RIMBP2: variants seen among roughly 807,000 people sequenced by gnomAD.
RIMBP2 encodes the protein RIMS-binding protein 2.
RIMBP2 carries 48 observed loss-of-function variants against 118.6 expected under a neutral mutation model. That is an observed-to-expected ratio of 0.40 (90% CI 0.32 to 0.51). The LOEUF (loss-of-function observed/expected upper bound fraction) is 0.51, where lower values mean the gene tolerates loss of function less well. RIMBP2 is among the 20% of genes least tolerant of loss of function. The pLI is 0.41. For synonymous variants in RIMBP2, 762 were observed against 742.9 expected (o/e 1.03, Z -0.42); for missense variants, 1,551 against 1,768.3 (o/e 0.88, Z 2.20).
chr12:130,637,527 TG>T (rs1369557058), intron 1 of RIMBP2, among the ~76,000 whole-genome samples: 1 of 152,164 alleles, frequency 6.6e-6, no homozygotes, highest in Non-Finnish European at 1.5e-5. Flanking sequence ...AAACCAACCC[TG>T]GGAACATATA....
chr12:130,693,914 A>G (rs2065451409), intron 1 of RIMBP2, among the ~76,000 whole-genome samples: 1 of 152,176 alleles, frequency 6.6e-6, no homozygotes, highest in Non-Finnish European at 1.5e-5. Flanking sequence ...GAGAGTATTA[A>G]GACAGGATTG....
Position 130,649,321 on chromosome 12 carries a change from C to T in RIMBP2, c.-351-20865G>A, listed in dbSNP as rs1254768123. Among the ~76,000 whole-genome samples the T allele has an allele frequency of 1.8e-5, 2 of 109,472 alleles. 1 individual carries two copies. Among genetic ancestry groups the T allele is most frequent in the Non-Finnish European group, 4.7e-5 (2 of 42,390 alleles). 71.8% of individuals were successfully genotyped at this position (109,472 alleles called of 152,430 possible). A position where few individuals can be genotyped will look rare whatever the true frequency, so the allele number is the denominator to read the frequency against. On this transcript the variant is annotated intron_variant, in intron 1 of 22. Coordinates refer to ENST00000690449, the MANE Select transcript of RIMBP2 (RefSeq NM_001393629.1). Reference sequence around the variant, plus strand: ...TGAGTGCTCCCGGCCGGAGGCCGCTCCGCTCCATGCAGTGACTTAGAGACC... The same window carrying T: ...TGAGTGCTCCCGGCCGGAGGCCGCTTCGCTCCATGCAGTGACTTAGAGACC...
chr12:130,455,076 A>G (rs60428159), intron 7 of RIMBP2, among the ~76,000 whole-genome samples: 1,978 of 152,250 alleles, frequency 0.013, 34 homozygotes, highest in African/African-American at 0.044. Context: ...AAAGCTCTGG[A>G]CCCAAGTCTC....
At position 130,438,351 on chromosome 12, in the gene RIMBP2, C is replaced by CCCCCCAA. The variant is rs2137066151; in HGVS notation, c.1656+13_1656+14insTTGGGGG. 6.3e-6 allele frequency: 10 copies of CCCCCCAA among 1,589,888 alleles called. No individual in the cohort carries two copies. Among genetic ancestry groups the CCCCCCAA allele is most frequent in the African/African-American group, 1.3e-5 (1 of 74,656 alleles). ...GCCTAACAAACCCTCCCCACCCACCCAACGAAAACTCACCCTCTGCCCTTT... is the reference window on the plus strand; with the variant it reads ...GCCTAACAAACCCTCCCCACCCACCCCCCCCAAAACGAAAACTCACCCTCTGCCCTTT... On this transcript the variant is annotated intron_variant, in intron 12 of 22. Transcript: ENST00000690449.
At chr12:130,661,400 G>T (rs73159163) in intron 1 of RIMBP2, among the ~76,000 whole-genome samples, 1 of 152,152 alleles carries the variant, frequency 6.6e-6, no homozygotes, top group Non-Finnish European at 1.5e-5. Flanking sequence ...ATACAAAAAG[G>T]CTCCTTTCCA....
At chr12:130,646,394 A>ACCACTTCACTCT (rs2062958957) in intron 1 of RIMBP2, among the ~76,000 whole-genome samples, 1 of 43,654 alleles carries the variant, frequency 2.3e-5, no homozygotes, top group Non-Finnish European at 3.8e-5. Context: ...CACCTCCCTC[A>ACCACTTCACTCT]CCACCTGCCT....
chr12:130,406,393 G>A (rs2075177391), intron 20 of RIMBP2, 150 bp from the exon 21 acceptor site: 3 of 592,834 alleles, frequency 5.1e-6, no homozygotes, highest in Admixed American at 6.8e-5. Flanking sequence ...GCTAATGAAT[G>A]GCTCTGTCCA....
In RIMBP2 at chr12:130,670,869, G is replaced by T. The variant is rs565082522; in HGVS notation, c.-351-42413C>A. The stretch of plus-strand genomic sequence containing the variant: ...GCTCACTGCAACCTCTGCCTCCCAG[G>T]TTCAAGCAATTCTCCTACCTCAGCC... On this transcript the variant is annotated intron_variant, in intron 1 of 22. Transcript: ENST00000690449. This position sits in a 1 kb window ranked among gnomAD's most constrained non-coding sequence, Gnocchi z 4.9. 3.4e-3 allele frequency among the ~76,000 whole-genome samples: 513 copies of T among 152,226 alleles called. 4 individuals carry two copies. Among genetic ancestry groups the T allele is most frequent in the African/African-American group, 0.011 (474 of 41,530 alleles).
chr12:130,523,710 G>C lies in RIMBP2; in HGVS notation c.-216-5793C>G, dbSNP rs994132202. Among the ~76,000 whole-genome samples the C allele has an allele frequency of 3.9e-5, 6 of 152,224 alleles. No individual in the cohort carries two copies. Among genetic ancestry groups the C allele is most frequent in the Admixed American group, 2.0e-4 (3 of 15,292 alleles). ...ACCACCACTGAGTGTGTATGTGTCA[G>C]TACCGGGCTCAGCAGGGGGCCCTGA... On this transcript the variant is annotated intron_variant, in intron 2 of 22. Coordinates refer to ENST00000690449, the MANE Select transcript of RIMBP2 (RefSeq NM_001393629.1). The surrounding 1 kb of genome is among the most constrained non-coding windows in gnomAD (Gnocchi z 4.4).
intron 2 of RIMBP2, among the ~76,000 whole-genome samples, chr12:130,532,215 T>G (rs77240422): frequency 0.017 from 496 of 29,916 alleles, no homozygotes; most frequent in Admixed American, 0.028. Flanking sequence ...CCTCTAGGAG[T>G]TACGTCTAAT....
intron 2 of RIMBP2, among the ~76,000 whole-genome samples, chr12:130,628,120 G>A (rs530115759): frequency 5.9e-5 from 9 of 152,252 alleles, no homozygotes; most frequent in South Asian, 4.1e-4. Flanking sequence ...GCCTTTGCAC[G>A]GCTGTTCCCC....
chr12:130,438,335 A>AACCACCCCC, intron 12 of RIMBP2, 30 bp downstream of exon 12: 1 of 865,010 alleles, frequency 1.2e-6, no homozygotes, highest in East Asian at 2.8e-5. Context: ...GGCCTAACAA[A>AACCACCCCC]CCCTCCCCAC....
At chr12:130,694,023 G>A (rs1174666832) in intron 1 of RIMBP2, among the ~76,000 whole-genome samples, 2 of 152,192 alleles carry the variant, frequency 1.3e-5, no homozygotes, top group Non-Finnish European at 2.9e-5. Flanking sequence ...TCCTGCATCC[G>A]AACTTCCATG....
intron 1 of RIMBP2, among the ~76,000 whole-genome samples, chr12:130,685,479 G>A (rs1305840196): frequency 2.6e-5 from 4 of 152,148 alleles, no homozygotes; most frequent in African/African-American, 4.8e-5. Flanking sequence ...GGCAGGCGCC[G>A]TTGCCCTATG....
At chr12:130,656,217 G>A (rs1207607647) in intron 1 of RIMBP2, among the ~76,000 whole-genome samples, 2 of 152,144 alleles carry the variant, frequency 1.3e-5, no homozygotes, top group Admixed American at 1.3e-4. Flanking sequence ...AAGGGGTTGG[G>A]GGACCCGGCA....
chr12:130,562,429 G>A (rs961647158), intron 2 of RIMBP2, among the ~76,000 whole-genome samples: 6 of 152,208 alleles, frequency 3.9e-5, no homozygotes, highest in African/African-American at 1.4e-4. Flanking sequence ...CAAGTGCCTG[G>A]CTTCTACTCT....
intron 2 of RIMBP2, among the ~76,000 whole-genome samples, chr12:130,574,714 C>T (rs541554358): frequency 5.3e-5 from 8 of 152,078 alleles, no homozygotes; most frequent in East Asian, 1.9e-4. Flanking sequence ...GAGAGGGCAT[C>T]GGAAGCCCTG....
intron 2 of RIMBP2, among the ~76,000 whole-genome samples, chr12:130,604,226 G>T (rs933502612): frequency 2.0e-5 from 3 of 151,038 alleles, no homozygotes; most frequent in African/African-American, 7.3e-5. Flanking sequence ...TTTTTGTGCA[G>T]CTGTGCAATG....
intron 2 of RIMBP2, among the ~76,000 whole-genome samples, chr12:130,535,762 T>TAC (rs2054008532): frequency 1.1e-5 from 1 of 90,844 alleles, no homozygotes; most frequent in African/African-American, 4.1e-5. Context: ...TATATATATA[T>TAC]ATATATATAT....
Sources: allele counts gnomAD v4.1 joint callset (sites outside exome capture counted in the v4.1 genomes callset), GRCh38; gene constraint gnomAD v4.1.1; non-coding constraint Gnocchi (gnomAD v3.1); transcripts MANE v1.5; gene names NCBI Gene and HGNC (gene_info 2026-07-23, HGNC 2026-07-21).